TNN: variants seen among roughly 807,000 people sequenced by gnomAD.
The protein encoded by TNN is tenascin N, also known as tenascin-N.
TNN carries 122 observed loss-of-function variants against 134.4 expected under a neutral mutation model. The ratio of observed to expected loss-of-function variants is 0.91; its 90% CI spans 0.78 to 1.06. The LOEUF is 1.06. TNN is among the 50% of genes least tolerant of loss of function. The probability of loss-of-function intolerance (pLI) is 0.00; values close to 1 mark genes in which losing one functional copy is unlikely to be tolerated. For missense variants in TNN, 1,739 were observed against 1,699.4 expected (o/e 1.02, Z -0.41); for synonymous variants, 710 against 670.3 (o/e 1.06, Z -0.91).
In TNN at chr1:175,120,389, G is replaced by A. The variant is rs545379518; in HGVS notation, c.2650+1565G>A. Among the ~76,000 whole-genome samples, 11 of 152,336 alleles carry A rather than the reference G, an allele frequency of 7.2e-5. No individual in the cohort carries two copies. The East Asian group carries it at 2.1e-3, about 29-fold the overall frequency. On this transcript the variant is annotated intron_variant, in intron 11 of 18. Coordinates refer to ENST00000239462, the MANE Select transcript of TNN (RefSeq NM_022093.2). ...AGATGGGAAGGGTGAGTAGTAATAG[G>A]ATATACATAGACAGAAACACTCAAA... is the stretch of plus-strand genomic sequence containing the variant.
At chr1:175,111,596 T>G (rs1253644109) in intron 9 of TNN, among the ~76,000 whole-genome samples, 1 of 152,046 alleles carries the variant, frequency 6.6e-6, no homozygotes, top group Non-Finnish European at 1.5e-5. Context: ...GGAGTACAAT[T>G]TTTTTTACAA....
In TNN at chr1:175,107,624, A is replaced by T. The variant is rs1674893913; in HGVS notation, c.2119+9029A>T. Among the ~76,000 whole-genome samples, 3 of 144,136 alleles carry T rather than the reference A, an allele frequency of 2.1e-5. No homozygotes were observed. The South Asian group carries it at 7.1e-4, about 34-fold the overall frequency. The allele number at this position is 144,136 out of a possible 152,430, so 94.6% of individuals were successfully genotyped here. On this transcript the variant is annotated intron_variant, in intron 9 of 18. Transcript: ENST00000239462. ...AAGAGCGAAAGAACAAAGCTTCCAC[A>T]GTGTGGAAGGGGACCCGAGAAGGTT...
chr1:175,079,673 C>T lies in TNN; in HGVS notation c.750C>T (p.Cys250=), dbSNP rs762182422. Residue 250 remains cysteine, a synonymous_variant, in exon 3 of 19, where the codon TGC becomes TGT. Coordinates refer to ENST00000239462, the MANE Select transcript of TNN (RefSeq NM_022093.2). ...HGFCDTGECY[C]EEGFTGLDCA... is the part of the protein sequence containing the mutation. Reference sequence around the variant, plus strand: ...TCTGTGACACGGGCGAGTGCTACTGCGAGGAGGGCTTCACAGGCCTGGACT... The same window carrying T: ...TCTGTGACACGGGCGAGTGCTACTGTGAGGAGGGCTTCACAGGCCTGGACT... 3 of 1,607,950 alleles carry T rather than the reference C, an allele frequency of 1.9e-6. No homozygotes were observed. Among genetic ancestry groups the T allele is most frequent in the Admixed American group, 3.3e-5 (2 of 59,718 alleles).
At chr1:175,087,625 C>G (rs1290054216) in intron 6 of TNN, among the ~76,000 whole-genome samples, 1 of 152,202 alleles carries the variant, frequency 6.6e-6, no homozygotes, top group Non-Finnish European at 1.5e-5. Flanking sequence ...CATTTCACCT[C>G]TGGAAGTGAT....
Position 175,117,165 on chromosome 1 carries a change from G to A in TNN, c.2346G>A (p.Gly782=), listed in dbSNP as rs745737095. 2 of 1,614,142 alleles carry A rather than the reference G, an allele frequency of 1.2e-6. No homozygotes were observed. The highest frequency in any genetic ancestry group is 2.2e-5 in the South Asian group (2 of 91,092). ...CGGTGCACGTGTGGGCCCAGAAGGGGGCCCAGGAGAGCAAGAAGGCTGACA... is the reference window on the plus strand; with the variant it reads ...CGGTGCACGTGTGGGCCCAGAAGGGAGCCCAGGAGAGCAAGAAGGCTGACA... ...EYTVHVWAQK[G]AQESKKADTK... is the part of the protein sequence containing the mutation. Residue 782 remains glycine, a synonymous_variant, in exon 10 of 19, where the codon GGG becomes GGA. Transcript: ENST00000239462.
intron 17 of TNN, among the ~76,000 whole-genome samples, chr1:175,143,518 G>GGGGTGT (rs1553321065): frequency 2.7e-5 from 4 of 148,642 alleles, no homozygotes; most frequent in African/African-American, 9.8e-5. Flanking sequence ...TTTGTGTGTA[G>GGGGTGT]GTGTGTGTGT....
At position 175,097,487 on chromosome 1, in the gene TNN, G is replaced by A. The variant is rs147951218; in HGVS notation, c.1659G>A (p.Pro553=). 6.2e-6 allele frequency: 10 copies of A among 1,614,070 alleles called. No homozygotes were observed. The highest frequency in any genetic ancestry group is 5.5e-5 in the South Asian group (5 of 91,080). Residue 553 remains proline (P), a synonymous_variant, in exon 8 of 19, where the codon CCG becomes CCA. Transcript: ENST00000239462. The part of the protein sequence containing the change: ...TENTATISWD[P]VQATIDKYVV... ...ATACCGCCACCATCTCCTGGGACCC[G>A]GTACAGGCCACCATTGACAAGTACG...
intron 9 of TNN, among the ~76,000 whole-genome samples, chr1:175,109,890 C>A (rs375008995): frequency 6.6e-6 from 1 of 151,974 alleles, no homozygotes; most frequent in East Asian, 1.9e-4. Flanking sequence ...GTTGCTGGAT[C>A]ATATGGTACA....
chr1:175,117,775 C>A (rs566964109), intron 10 of TNN, among the ~76,000 whole-genome samples: 1 of 152,026 alleles, frequency 6.6e-6, no homozygotes, highest in African/African-American at 2.4e-5. Context: ...ATACACATGG[C>A]CAAAACAACC....
At position 175,079,564 on chromosome 1, in the gene TNN, G is replaced by A. The variant is rs2149427017; in HGVS notation, c.641G>A (p.Arg214His). ...TGCAGCGGACACGGCGAGTGCGTGCGCGGCGTGTGCCAGTGCCACGAAGAC... is the reference window on the plus strand; with the variant it reads ...TGCAGCGGACACGGCGAGTGCGTGCACGGCGTGTGCCAGTGCCACGAAGAC... The part of the protein sequence containing the change: ...ENCSGHGECV[R>H]GVCQCHEDFM... The change falls in exon 3 of 19, where the codon CGC becomes CAC. Residue 214 changes from arginine to histidine, a missense_variant. Transcript: ENST00000239462. The A allele has an allele frequency of 2.5e-6, 4 of 1,578,378 alleles. No individual in the cohort carries two copies. The highest frequency in any genetic ancestry group is 3.4e-6 in the Non-Finnish European group (4 of 1,163,536).
At chr1:175,117,787 A>C (rs1675222757) in intron 10 of TNN, among the ~76,000 whole-genome samples, 5 of 152,200 alleles carry the variant, frequency 3.3e-5, no homozygotes, top group Admixed American at 3.3e-4. Context: ...AAAACAACCA[A>C]ATAACAGTTG....
intron 9 of TNN, among the ~76,000 whole-genome samples, chr1:175,104,219 A>T (rs1189275989): frequency 6.9e-6 from 1 of 145,868 alleles, no homozygotes; most frequent in Non-Finnish European, 1.5e-5. Context: ...ACAGGAGATT[A>T]ACACTGAGAA....
chr1:175,136,698 T>C, intron 16 of TNN, 123 bp from the exon 17 acceptor site: 1 of 873,540 alleles, frequency 1.1e-6, no homozygotes, highest in South Asian at 1.8e-5. Flanking sequence ...AGACTGCCCC[T>C]TATTAGCAGA....
Position 175,107,399 on chromosome 1 carries a change from G to A in TNN, c.2119+8804G>A, listed in dbSNP as rs1478023198. Among the ~76,000 whole-genome samples the A allele has an allele frequency of 4.2e-5, 6 of 143,926 alleles. 1 individual carries two copies. The highest frequency in any genetic ancestry group is 1.4e-4 in the Admixed American group (2 of 14,308). The allele number at this position is 143,926 out of a possible 152,430, so 94.4% of individuals were successfully genotyped here. A position where few individuals can be genotyped will look rare whatever the true frequency, so the allele number is the denominator to read the frequency against. ...TTCCTTCTGGTGGGTTCGTGGTCTC[G>A]CTGGCTCAGGAGTGAAGCTGCAGAC... On this transcript the variant is annotated intron_variant, in intron 9 of 18. Coordinates refer to ENST00000239462, the MANE Select transcript of TNN (RefSeq NM_022093.2).
At chr1:175,104,850 CAGA>C (rs1674811594) in intron 9 of TNN, among the ~76,000 whole-genome samples, 1 of 145,882 alleles carries the variant, frequency 6.9e-6, no homozygotes, top group African/African-American at 2.5e-5. Context: ...TCGAGGAAGG[CAGA>C]AGGATTTTCT....
chr1:175,086,130 G>T (rs1674321268), intron 6 of TNN, among the ~76,000 whole-genome samples: 1 of 152,158 alleles, frequency 6.6e-6, no homozygotes, highest in South Asian at 2.1e-4. Context: ...TAGGCACATA[G>T]CTCCTTATTC....
At chr1:175,084,342 T>C (rs1277938238) in intron 5 of TNN, among the ~76,000 whole-genome samples, 1 of 150,832 alleles carries the variant, frequency 6.6e-6, no homozygotes, top group African/African-American at 2.4e-5. Flanking sequence ...TTGTTGAGCA[T>C]GATGCATGGA....
chr1:175,094,542 A>C (rs1038344567), intron 7 of TNN, among the ~76,000 whole-genome samples: 1 of 152,198 alleles, frequency 6.6e-6, no homozygotes, highest in African/African-American at 2.4e-5. Flanking sequence ...CATTTTTTAG[A>C]TGTGAAAACT....
intron 4 of TNN, among the ~76,000 whole-genome samples, chr1:175,082,086 A>G (rs940921417): frequency 1.3e-5 from 2 of 152,174 alleles, no homozygotes; most frequent in African/African-American, 4.8e-5. Flanking sequence ...TTTATGTTCA[A>G]TAGGAGACAC....
Sources: allele counts gnomAD v4.1 joint callset (sites outside exome capture counted in the v4.1 genomes callset), GRCh38; gene constraint gnomAD v4.1.1; transcripts MANE v1.5; gene names NCBI Gene and HGNC (gene_info 2026-07-23, HGNC 2026-07-21).